Variants in LAMA1 observed in about 807,000 individuals in gnomAD.
LAMA1 encodes the protein laminin subunit alpha 1.
LAMA1 carries 219 observed loss-of-function variants against 348.7 expected under a neutral mutation model. The ratio of observed to expected loss-of-function variants is 0.63; its 90% CI spans 0.56 to 0.70. The LOEUF is 0.70. LAMA1 is among the 30% of genes least tolerant of loss of function. The pLI is 0.00. For missense variants in LAMA1, 3,744 were observed against 3,888.0 expected, an observed-to-expected ratio of 0.96 and a Z score of 0.99; for synonymous variants, 1,487 against 1,491.0, an observed-to-expected ratio of 1.00 and a Z score of 0.06.
At chr18:6,995,295 TG>T in intron 34 of LAMA1, 61 bp downstream of exon 34, 1 of 1,126,090 alleles carries the variant, frequency 8.9e-7, no homozygotes, top group Non-Finnish European at 1.4e-6. Flanking sequence ...CCAAGGCAAC[TG>T]CTCAGGAGGG....
At chr18:7,108,438 A>C (rs1383264415) in intron 1 of LAMA1, among the ~76,000 whole-genome samples, 1 of 152,042 alleles carries the variant, frequency 6.6e-6, no homozygotes, top group Non-Finnish European at 1.5e-5. Context: ...AGGCAGGCAG[A>C]TCACTTGAGG....
At chr18:6,955,007 C>T in intron 57 of LAMA1, 1 of 363,070 alleles carries the variant, frequency 2.8e-6, no homozygotes, top group South Asian at 2.2e-5. Flanking sequence ...ACAAAGACAT[C>T]AGACTAGGGA....
intron 3 of LAMA1, among the ~76,000 whole-genome samples, chr18:7,073,123 C>T (rs1439817718): frequency 6.6e-6 from 1 of 152,200 alleles, no homozygotes; most frequent in African/African-American, 2.4e-5. Context: ...CCAGCTCTCC[C>T]ACACTGTCAA....
At chr18:6,956,538 G>A (rs761842677) in intron 56 of LAMA1, 98 bp downstream of exon 56, 24 of 1,564,942 alleles carry the variant, frequency 1.5e-5, no homozygotes, top group South Asian at 4.4e-5. Context: ...TCCAGCTTTC[G>A]CAGGCACCTT....
intron 53 of LAMA1, 138 bp from the exon 54 acceptor site, chr18:6,959,630 A>T: frequency 1.2e-6 from 1 of 853,672 alleles, no homozygotes; most frequent in Middle Eastern, 2.6e-4. Context: ...TTCAGCTGTC[A>T]CAATGTTACA....
chr18:7,103,888 T>G (rs898944470), intron 1 of LAMA1, among the ~76,000 whole-genome samples: 1 of 151,870 alleles, frequency 6.6e-6, no homozygotes, highest in African/African-American at 2.4e-5. Flanking sequence ...CCCCTGCCCC[T>G]CCCCAGCGGA....
chr18:7,117,624 G>C (rs334406), intron 1 of LAMA1, 36 bp downstream of exon 1: 840,169 of 1,586,742 alleles, frequency 0.53, 226,829 homozygotes, highest in Admixed American at 0.69. Flanking sequence ...GCCCGCCTGC[G>C]GGGGACAGGG....
chr18:7,021,836 A>AT (rs1240631633), intron 19 of LAMA1, among the ~76,000 whole-genome samples: 7 of 58,166 alleles, frequency 1.2e-4, no homozygotes, highest in African/African-American at 5.0e-4. Context: ...ATAATATAAT[A>AT]ATATATTATA....
intron 18 of LAMA1, among the ~76,000 whole-genome samples, chr18:7,023,987 C>T (rs1400429733): frequency 2.0e-5 from 3 of 152,048 alleles, no homozygotes; most frequent in South Asian, 2.1e-4. Flanking sequence ...TACAGGCACC[C>T]GCCGTCATGC....
chr18:7,077,926 C>T (rs901322950), intron 3 of LAMA1, among the ~76,000 whole-genome samples: 3 of 151,126 alleles, frequency 2.0e-5, no homozygotes, highest in East Asian at 4.0e-4. Flanking sequence ...ATCAGAAGTT[C>T]GAGACCACAC....
At chr18:7,031,490 T>C (rs1445176611) in intron 16 of LAMA1, among the ~76,000 whole-genome samples, 1 of 152,190 alleles carries the variant, frequency 6.6e-6, no homozygotes, top group African/African-American at 2.4e-5. Flanking sequence ...AGTGTGATTA[T>C]ACTTTATTCT....
intron 14 of LAMA1, 128 bp downstream of exon 14, chr18:7,034,351 C>T: frequency 4.1e-6 from 3 of 739,110 alleles, no homozygotes; most frequent in Non-Finnish European, 4.7e-6. Context: ...CTTAAGACAG[C>T]CAGATCCTGT....
rs926968411 is a variant in LAMA1 at position 7,032,172 on chromosome 18, C to T, written c.2168G>A (p.Cys723Tyr). ...ATCCACGCGGTAATAGCCAGAGAGG[C>T]ACGACTGCAAGAGAAGGGAAAGTCA... ...QGYTGTSCES[C>Y]LSGYYRVDGI... Residue 723 changes from cysteine (C) to tyrosine (Y), a missense_variant, in exon 16 of 63, where the codon TGC (cysteine) becomes TAC (tyrosine). Physicochemically the swap from Cys to Tyr is radical, Grantham distance 194. Transcript: ENST00000389658. 4 of 1,609,548 alleles carry T rather than the reference C, an allele frequency of 2.5e-6. No homozygotes were observed. The highest frequency in any genetic ancestry group is 3.4e-6 in the Non-Finnish European group (4 of 1,175,914).
chr18:6,981,436 A>G (rs1243071092), intron 41 of LAMA1, among the ~76,000 whole-genome samples: 2 of 152,094 alleles, frequency 1.3e-5, no homozygotes, highest in African/African-American at 4.8e-5. Context: ...CTGGAACTCA[A>G]CTCAACCTCC....
chr18:6,980,692 T>G, intron 41 of LAMA1, 55 bp from the exon 42 acceptor site: 1 of 983,640 alleles, frequency 1.0e-6, no homozygotes, highest in African/African-American at 1.6e-5. Flanking sequence ...AAAAGTTGCC[T>G]AGGCAACAGC....
chr18:7,106,714 A>G (rs12959631), intron 1 of LAMA1, among the ~76,000 whole-genome samples: 43,091 of 151,768 alleles, frequency 0.28, 6,241 homozygotes, highest in South Asian at 0.34. Flanking sequence ...CGGACACACT[A>G]TAATCCCTGG....
chr18:7,020,170 T>A (rs942827624), intron 19 of LAMA1, among the ~76,000 whole-genome samples: 1 of 152,156 alleles, frequency 6.6e-6, no homozygotes, highest in African/African-American at 2.4e-5. Flanking sequence ...ATATTAGAGT[T>A]CTGTGAGGTT....
Position 6,974,871 on chromosome 18 carries a change from G to C in LAMA1, c.6623+32C>G, listed in dbSNP as rs766270523. On this transcript the variant is annotated intron_variant, in intron 46 of 62. Transcript: ENST00000389658. ...TACTTATGAGACACACTTTAAAAAA[G>C]AGAGCTGCTTTGAGAGAACATTCTC... is the stretch of plus-strand genomic sequence containing the variant. 20 of 1,613,656 alleles carry C rather than the reference G, an allele frequency of 1.2e-5. No homozygotes were observed. The East Asian group carries it at 4.0e-4, about 32-fold the overall frequency.
intron 18 of LAMA1, among the ~76,000 whole-genome samples, chr18:7,023,988 G>T (rs657287): frequency 6.6e-6 from 1 of 151,606 alleles, no homozygotes. Flanking sequence ...ACAGGCACCC[G>T]CCGTCATGCC....
Sources: allele counts gnomAD v4.1 joint callset (sites outside exome capture counted in the v4.1 genomes callset), GRCh38; gene constraint gnomAD v4.1.1; transcripts MANE v1.5; gene names NCBI Gene and HGNC (gene_info 2026-07-23, HGNC 2026-07-21).